MROH2A: variants seen among roughly 807,000 people sequenced by gnomAD.
MROH2A encodes the protein maestro heat like repeat family member 2A.
Under a neutral mutation model 200.4 loss-of-function variants are expected in MROH2A, and 174 were observed. The observed-to-expected ratio is 0.87, with a 90% CI of 0.77 to 0.98. The LOEUF (loss-of-function observed/expected upper bound fraction) is 0.98, where lower values mean the gene tolerates loss of function less well. Ranked by LOEUF, MROH2A falls within the 50% of genes least tolerant of loss-of-function variation. MROH2A has a pLI of 0.00. For synonymous variants in MROH2A, 829 were observed against 840.4 expected (o/e 0.99, Z 0.23); for missense variants, 2,045 against 2,139.6 (o/e 0.96, Z 0.87).
chr2:233,799,689 G>C (rs1214328816), intron 12 of MROH2A, 91 bp from the exon 13 acceptor site: 1 of 1,493,670 alleles, frequency 6.7e-7, no homozygotes, highest in East Asian at 2.5e-5. Context: ...CTAGCCCAGA[G>C]CACCCCCAAT....
intron 22 of MROH2A, among the ~76,000 whole-genome samples, chr2:233,810,379 C>T (rs1287642523): frequency 1.3e-5 from 2 of 152,156 alleles, no homozygotes; most frequent in African/African-American, 4.8e-5. Flanking sequence ...AAGTGGAAAC[C>T]CCTGATAAAC....
At position 233,828,564 on chromosome 2, in the gene MROH2A, C is replaced by CG; in HGVS notation, c.4114-65dup. The CG allele has an allele frequency of 6.6e-7, 1 of 1,522,390 alleles. No homozygotes were observed. Among genetic ancestry groups the CG allele is most frequent in the Non-Finnish European group, 8.9e-7 (1 of 1,128,872 alleles). 94.3% of individuals were successfully genotyped at this position (1,522,390 alleles called of 1,614,324 possible). A position where few individuals can be genotyped will look rare whatever the true frequency, so the allele number is the denominator to read the frequency against. ...CCAATCTGCATTACCTCTCCTCCCACGTCCCACCTTGCTGCTGAGAAATGA... is the reference window on the plus strand; with the variant it reads ...CCAATCTGCATTACCTCTCCTCCCACGGTCCCACCTTGCTGCTGAGAAATGA... On this transcript the variant is annotated intron_variant, in intron 35 of 41. Transcript: ENST00000389758. This position sits in a 1 kb window ranked among gnomAD's most constrained non-coding sequence, Gnocchi z 4.6.
chr2:233,802,305 G>T lies in MROH2A; in HGVS notation c.1698G>T (p.Lys566Asn). The change falls in exon 15 of 42, where the codon AAG becomes AAT. Residue 566 changes from lysine (K) to asparagine (N), a missense_variant. By Grantham distance (94) the Lys-to-Asn change is moderately conservative. Coordinates refer to ENST00000389758, the MANE Select transcript of MROH2A (RefSeq NM_001394639.1). Reference sequence around the variant, plus strand: ...ATGTGGATGTCAGCGTGGCTGGCAAGAGCAGGCAAGGTGGGCAAAGTTCCT... The same window carrying T: ...ATGTGGATGTCAGCGTGGCTGGCAATAGCAGGCAAGGTGGGCAAAGTTCCT... ...GQDVDVSVAG[K>N]SRQVDLPAPQ... is the part of the protein sequence containing the mutation. 6.5e-7 allele frequency: 1 copy of T among 1,549,862 alleles called. No homozygotes were observed. The highest frequency in any genetic ancestry group is 8.7e-7 in the Non-Finnish European group (1 of 1,146,598).
Position 233,779,443 on chromosome 2 carries a change from C to A in MROH2A, c.85C>A (p.His29Asn). ...ERDDLGPLEL[H>N]DSGTFQQVVN... ...AGACGACCTGGGGCCTCTTGAATTA[C>A]ATGACAGTGGTAAGAATGTCATCCA... The change falls in exon 2 of 42, where the codon CAT becomes AAT. Residue 29 changes from histidine to asparagine, a missense_variant. Around this residue, in one of 3 missense-constraint regions of MROH2A, gnomAD observed 831 missense variants for 800.0 expected, o/e 1.04. Coordinates refer to ENST00000389758, the MANE Select transcript of MROH2A (RefSeq NM_001394639.1). 3 of 1,548,440 alleles carry A rather than the reference C, an allele frequency of 1.9e-6. No homozygotes were observed. The highest frequency in any genetic ancestry group is 2.6e-6 in the Non-Finnish European group (3 of 1,145,216).
rs1051046980 is a variant in MROH2A at position 233,796,307 on chromosome 2, G to A, written c.1246G>A (p.Ala416Thr). The change falls in exon 11 of 42, where the codon GCA (alanine) becomes ACA (threonine). Residue 416 changes from alanine to threonine, a missense_variant. Transcript: ENST00000389758. The part of the protein sequence containing the change: ...TLNLIRAIVS[A>T]DEPRMSIRAI... The stretch of plus-strand genomic sequence containing the variant: ...GAATCTGATTAGGGCTATAGTGAGC[G>A]CAGATGGTGAGCAAGGCAGGGTGGG... The A allele has an allele frequency of 1.7e-4, 211 of 1,235,778 alleles. 1 individual carries two copies. In the East Asian group the frequency reaches 7.2e-3, roughly 42 times the overall value. The allele number at this position is 1,235,778 out of a possible 1,614,324, so 76.6% of individuals were successfully genotyped here. A position where few individuals can be genotyped will look rare whatever the true frequency, so the allele number is the denominator to read the frequency against.
At position 233,828,592 on chromosome 2, in the gene MROH2A, C is replaced by G. The variant is rs1306420798; in HGVS notation, c.4114-38C>G. ...CCCACCTTGCTGCTGAGAAATGAGC[C>G]CGCCCTGGGGATAACTGCCCAATGT... On this transcript the variant is annotated intron_variant, in intron 35 of 41. Transcript: ENST00000389758. The surrounding 1 kb of genome is among the most constrained non-coding windows in gnomAD (Gnocchi z 4.6). 1 of 1,541,254 alleles carries G rather than the reference C, an allele frequency of 6.5e-7. No individual in the cohort carries two copies. Among genetic ancestry groups the G allele is most frequent in the African/African-American group, 1.4e-5 (1 of 72,874 alleles).
In MROH2A at chr2:233,833,163, G is replaced by A. The variant is rs117478123; in HGVS notation, c.4929G>A (p.Pro1643=). The A allele has an allele frequency of 2.8e-4, 433 of 1,549,276 alleles. No homozygotes were observed. In the East Asian group the frequency reaches 8.2e-3, roughly 29 times the overall value. Residue 1643 remains proline (P), a synonymous_variant, in exon 42 of 42, where the codon CCG becomes CCA. Coordinates refer to ENST00000389758, the MANE Select transcript of MROH2A (RefSeq NM_001394639.1). The part of the protein sequence containing the change: ...RNSLQELQLD[P]DPGVRRAALE... ...CCCTCCAGGAACTACAGCTGGACCC[G>A]GATCCCGGGGTCAGGAGGGCAGCCC...
At position 233,811,910 on chromosome 2, in the gene MROH2A, C is replaced by T. The variant is rs753696177; in HGVS notation, c.2602C>T (p.Leu868=). 22 of 1,550,312 alleles carry T rather than the reference C, an allele frequency of 1.4e-5. No homozygotes were observed. In the African/African-American group the frequency reaches 2.5e-4, roughly 17 times the overall value. Residue 868 remains leucine, a synonymous_variant, in exon 24 of 42, where the codon CTG becomes TTG. Coordinates refer to ENST00000389758, the MANE Select transcript of MROH2A (RefSeq NM_001394639.1). ...CATCAAGGCAGAACCGACTGACAAC[C>T]TGGTTTCTCCAGTGCGAGCCTTGGC... is the stretch of plus-strand genomic sequence containing the variant. ...AVIKAEPTDN[L]VSPVRALAME...
intron 18 of MROH2A, 99 bp from the exon 19 acceptor site, chr2:233,804,905 G>A: frequency 1.5e-6 from 1 of 649,448 alleles, no homozygotes; most frequent in Admixed American, 2.6e-5. Context: ...GCGAGAGAGG[G>A]CAAGTCAGTA....
At chr2:233,821,569 C>G (rs560185871) in intron 31 of MROH2A, among the ~76,000 whole-genome samples, 1 of 152,366 alleles carries the variant, frequency 6.6e-6, no homozygotes, top group Admixed American at 6.5e-5. Context: ...CTCTCTGTGC[C>G]TCTGTACCTA....
chr2:233,792,951 T>C, intron 6 of MROH2A, 57 bp downstream of exon 6: 1 of 1,512,258 alleles, frequency 6.6e-7, no homozygotes, highest in African/African-American at 1.4e-5. Flanking sequence ...GGAGGGAGAC[T>C]GCTGGGTAAG....
chr2:233,781,624 G>A (rs905740308), intron 3 of MROH2A, among the ~76,000 whole-genome samples: 1 of 152,064 alleles, frequency 6.6e-6, no homozygotes, highest in African/African-American at 2.4e-5. Context: ...GTGTATTCTG[G>A]TTATTAATCC....
rs182113274 is a variant in MROH2A at position 233,789,577 on chromosome 2, C to G, written c.357C>G (p.Cys119Trp). 6.7e-7 allele frequency: 1 copy of G among 1,497,084 alleles called. No homozygotes were observed. Among genetic ancestry groups the G allele is most frequent in the East Asian group, 2.5e-5 (1 of 40,150 alleles). 92.7% of individuals were successfully genotyped at this position (1,497,084 alleles called of 1,614,324 possible). A position where few individuals can be genotyped will look rare whatever the true frequency, so the allele number is the denominator to read the frequency against. ...IQQEGELEEQ[C>W]VQRLVAIASK... ...AGGAGGGGGAGCTGGAGGAGCAGTG[C>G]GTGCAGAGGCTGGTGGCCATTGCCT... Residue 119 changes from cysteine to tryptophan, a missense_variant, in exon 4 of 42, where the codon TGC becomes TGG. By Grantham distance (215) the Cys-to-Trp change is radical. Around this residue, in one of 3 missense-constraint regions of MROH2A, gnomAD observed 831 missense variants for 800.0 expected, o/e 1.04. Transcript: ENST00000389758.
Position 233,807,380 on chromosome 2 carries a change from C to A in MROH2A, c.2053-43C>A. 5 of 1,524,084 alleles carry A rather than the reference C, an allele frequency of 3.3e-6. No individual in the cohort carries two copies. Among genetic ancestry groups the A allele is most frequent in the Non-Finnish European group, 4.4e-6 (5 of 1,131,934 alleles). 94.4% of individuals were successfully genotyped at this position (1,524,084 alleles called of 1,614,324 possible). On this transcript the variant is annotated intron_variant, in intron 19 of 41. Coordinates refer to ENST00000389758, the MANE Select transcript of MROH2A (RefSeq NM_001394639.1). This position sits in a 1 kb window ranked among gnomAD's most constrained non-coding sequence, Gnocchi z 4.3. ...TACAACAGCACCCCCTGAAGGCTGG[C>A]TGTAGGGAGGCCTGAGCTCCTTCCT...
In MROH2A at chr2:233,828,043, G is replaced by C. The variant is rs564425319; in HGVS notation, c.4114-587G>C. On this transcript the variant is annotated intron_variant, in intron 35 of 41. Coordinates refer to ENST00000389758, the MANE Select transcript of MROH2A (RefSeq NM_001394639.1). The surrounding 1 kb of genome is among the most constrained non-coding windows in gnomAD (Gnocchi z 4.6). ...GACTGAGGTGGAGACAAAACATTTG[G>C]AAGCTTAGAGCAACTGCGCCTAATG... Among the ~76,000 whole-genome samples the C allele has an allele frequency of 6.6e-6, 1 of 152,290 alleles. No homozygotes were observed. Among genetic ancestry groups the C allele is most frequent in the East Asian group, 1.9e-4 (1 of 5,182 alleles).
At position 233,823,621 on chromosome 2, in the gene MROH2A, A is replaced by G. The variant is rs979661019; in HGVS notation, c.4070A>G (p.Asp1357Gly). The G allele has an allele frequency of 2.6e-6, 4 of 1,550,272 alleles. No individual in the cohort carries two copies. Among genetic ancestry groups the G allele is most frequent in the African/African-American group, 1.4e-5 (1 of 73,000 alleles). ...GCCGAGCTGGTGCTCAGGGGCATGG[A>G]CTCAGAAGTCCTGAGCTGCCGCATC... ...RLAELVLRGM[D>G]SEVLSCRISS... is the part of the protein sequence containing the mutation. Residue 1357 changes from aspartate (D) to glycine (G), a missense_variant, in exon 35 of 42, where the codon GAC becomes GGC. Physicochemically the swap from Asp to Gly is moderately conservative, Grantham distance 94 (BLOSUM62 -1). This residue lies in a region of MROH2A where 1,201 missense variants were observed against 1,311.3 expected (regional missense o/e 0.92). Coordinates refer to ENST00000389758, the MANE Select transcript of MROH2A (RefSeq NM_001394639.1).
At chr2:233,830,548 T>C (rs970858743) in intron 38 of MROH2A, among the ~76,000 whole-genome samples, 2 of 152,152 alleles carry the variant, frequency 1.3e-5, no homozygotes, top group Non-Finnish European at 2.9e-5. Flanking sequence ...GTACTGTCAC[T>C]ATGAGGGCAG....
At position 233,811,056 on chromosome 2, in the gene MROH2A, A is replaced by G. The variant is rs1457584926; in HGVS notation, c.2571+140A>G. On this transcript the variant is annotated intron_variant, in intron 23 of 41. Coordinates refer to ENST00000389758, the MANE Select transcript of MROH2A (RefSeq NM_001394639.1). ...CCTGTCTTGGCTCTGCTTTGTCCTA[A>G]CTGTAGGAGTTCTGAGAATGATTTT... 3 of 942,362 alleles carry G rather than the reference A, an allele frequency of 3.2e-6. No individual in the cohort carries two copies. In the African/African-American group the frequency reaches 5.0e-5, roughly 16 times the overall value. 58.4% of individuals were successfully genotyped at this position (942,362 alleles called of 1,614,324 possible).
At chr2:233,792,097 GT>G (rs1197650214) in intron 5 of MROH2A, among the ~76,000 whole-genome samples, 2 of 152,028 alleles carry the variant, frequency 1.3e-5, no homozygotes, top group Admixed American at 6.6e-5. Flanking sequence ...GCCCAAGAAC[GT>G]TTGTGGGACC....
Sources: allele counts gnomAD v4.1 joint callset (sites outside exome capture counted in the v4.1 genomes callset), GRCh38; gene constraint gnomAD v4.1.1; regional missense constraint gnomAD v4.1.1; non-coding constraint Gnocchi (gnomAD v3.1); transcripts MANE v1.5; gene names NCBI Gene and HGNC (gene_info 2026-07-23, HGNC 2026-07-21).